The following DIP2A variants were observed in gnomAD, a reference collection of about 807,000 sequenced individuals.
The protein encoded by DIP2A is DIP2 acetate--CoA ligase A.
DIP2A carries 85 observed loss-of-function variants against 177.4 expected under a neutral mutation model. That is an observed-to-expected ratio of 0.48 (90% CI 0.40 to 0.57). DIP2A has a LOEUF of 0.57. DIP2A is among the 20% of genes least tolerant of loss of function. The probability of loss-of-function intolerance (pLI) is 0.00; values close to 1 mark genes in which losing one functional copy is unlikely to be tolerated. For missense variants in DIP2A, 1,791 were observed against 2,100.2 expected, an observed-to-expected ratio of 0.85 and a Z score of 2.88; for synonymous variants, 886 against 881.8, an observed-to-expected ratio of 1.00 and a Z score of -0.08.
At chr21:46,492,596 T>G (rs1308525895) in intron 3 of DIP2A, among the ~76,000 whole-genome samples, 1 of 152,164 alleles carries the variant, frequency 6.6e-6, no homozygotes, top group African/African-American at 2.4e-5. Flanking sequence ...TGGAGTTTGG[T>G]CCTTTGGGAG....
intron 37 of DIP2A, 88 bp downstream of exon 37, chr21:46,566,771 A>G: frequency 6.5e-7 from 1 of 1,539,390 alleles, no homozygotes; most frequent in Non-Finnish European, 8.9e-7. Flanking sequence ...GAGCAGAGCA[A>G]GGACTGCTGG....
At chr21:46,566,716 G>T in intron 37 of DIP2A, 33 bp downstream of exon 37, 7 of 1,613,302 alleles carry the variant, frequency 4.3e-6, no homozygotes, top group Non-Finnish European at 5.9e-6. Context: ...GCTTCACGTG[G>T]TCCCTCCAGC....
rs1266419485 is a variant in DIP2A at position 46,458,905 on chromosome 21, G to C, written c.-227G>C. 9.7e-5 allele frequency: 23 copies of C among 236,888 alleles called. No individual in the cohort carries two copies. The East Asian group carries it at 1.8e-3, about 18-fold the overall frequency. The allele number at this position is 236,888 out of a possible 1,614,324, so 14.7% of individuals were successfully genotyped here. A position where few individuals can be genotyped will look rare whatever the true frequency, so the allele number is the denominator to read the frequency against. On this transcript the variant is annotated 5_prime_UTR_variant, in exon 1 of 38. Coordinates refer to ENST00000417564, the MANE Select transcript of DIP2A (RefSeq NM_015151.4). ...CACGCGCTCCCGTGTAGGGCCGGCC[G>C]GGCGCTCAGGAGCGCGCGGGGCAGC...
intron 5 of DIP2A, among the ~76,000 whole-genome samples, chr21:46,502,168 C>G (rs2057686969): frequency 6.6e-6 from 1 of 152,130 alleles, no homozygotes; most frequent in Non-Finnish European, 1.5e-5. Flanking sequence ...TAAGATCTCA[C>G]TCTGTGGCCC....
At chr21:46,565,167 G>A (rs1176236988) in intron 35 of DIP2A, among the ~76,000 whole-genome samples, 1 of 152,046 alleles carries the variant, frequency 6.6e-6, no homozygotes, top group African/African-American at 2.4e-5. Flanking sequence ...ATGCTTACGT[G>A]TGTAGATATG....
At chr21:46,503,599 CCTTCCTTCCTTCCTTT>C (rs2057785997) in intron 5 of DIP2A, among the ~76,000 whole-genome samples, 1 of 121,176 alleles carries the variant, frequency 8.3e-6, no homozygotes, top group East Asian at 2.3e-4. Flanking sequence ...TTCCTTCCTT[CCTTCCTTCCTTCCTTT>C]CTTTCTTTCT....
rs779311734 is a variant in DIP2A, at chr21:46,545,233, C to A, written c.2273C>A (p.Ala758Glu). Reference protein sequence around the residue: ...ICVSSSATGTAYYGLLGITKN... With the variant: ...ICVSSSATGTEYYGLLGITKN... ...GTCAGTTCCAGTGCAACTGGCACAGCGTACTATGGATTGCTTGGAATCACG... is the reference window on the plus strand; with the variant it reads ...GTCAGTTCCAGTGCAACTGGCACAGAGTACTATGGATTGCTTGGAATCACG... The change falls in exon 19 of 38, where the codon GCG (alanine) becomes GAG (glutamate). Residue 758 changes from alanine to glutamate, a missense_variant. By Grantham distance (107) the Ala-to-Glu change is moderately radical. Coordinates refer to ENST00000417564, the MANE Select transcript of DIP2A (RefSeq NM_015151.4). 1 of 1,606,228 alleles carries A rather than the reference C, an allele frequency of 6.2e-7. No individual in the cohort carries two copies. The highest frequency in any genetic ancestry group is 1.7e-5 in the Admixed American group (1 of 59,684).
chr21:46,464,778 T>C (rs1255556661), intron 1 of DIP2A, among the ~76,000 whole-genome samples: 1 of 151,478 alleles, frequency 6.6e-6, no homozygotes, highest in African/African-American at 2.4e-5. Flanking sequence ...CACTGCTGCA[T>C]TGGGCACTGA....
chr21:46,583,167 G>A, the DIP2A span, among the ~76,000 whole-genome samples: 16,640 of 152,130 alleles, frequency 0.11, 1,330 homozygotes, highest in African/African-American at 0.22. Context: ...TATAACTATA[G>A]AAGGGTCAAT....
In DIP2A at chr21:46,504,513, C is replaced by T. The variant is rs753174151; in HGVS notation, c.784+24C>T. On this transcript the variant is annotated intron_variant, in intron 6 of 37. Coordinates refer to ENST00000417564, the MANE Select transcript of DIP2A (RefSeq NM_015151.4). ...TGGTGAGCCTGCCTCTCTTTCTCCT[C>T]GTGAAATAGCAGAACACAGGTTTTG... is the stretch of plus-strand genomic sequence containing the variant. 23 of 1,583,132 alleles carry T rather than the reference C, an allele frequency of 1.5e-5. No homozygotes were observed. The African/African-American group carries it at 2.0e-4, about 14-fold the overall frequency.
chr21:46,560,834 T>C, intron 33 of DIP2A, 51 bp downstream of exon 33: 1 of 1,569,446 alleles, frequency 6.4e-7, no homozygotes, highest in South Asian at 1.2e-5. Context: ...GGCAAAGTGA[T>C]GCAAACCAGG....
At chr21:46,528,136 A>C (rs997548474) in intron 8 of DIP2A, among the ~76,000 whole-genome samples, 1 of 152,064 alleles carries the variant, frequency 6.6e-6, no homozygotes, top group African/African-American at 2.4e-5. Flanking sequence ...TGATACCCGG[A>C]TCACCTTTGG....
chr21:46,468,389 A>G (rs1601334239), intron 1 of DIP2A, among the ~76,000 whole-genome samples: 1 of 150,118 alleles, frequency 6.7e-6, no homozygotes, highest in Admixed American at 6.7e-5. Context: ...AAATTGCACC[A>G]CTGCACTCCA....
At chr21:46,468,425 A>G (rs569006505) in intron 1 of DIP2A, among the ~76,000 whole-genome samples, 249 of 151,652 alleles carry the variant, frequency 1.6e-3, no homozygotes, top group East Asian at 7.2e-3. Context: ...AAAAAAAAAA[A>G]AAAGAGAGAA....
At chr21:46,503,614 T>TCC (rs1218697130) in intron 5 of DIP2A, among the ~76,000 whole-genome samples, 31,870 of 79,326 alleles carry the variant, frequency 0.4, 5,619 homozygotes, top group East Asian at 0.54. Flanking sequence ...CTTCCTTCCT[T>TCC]TCTTTCTTTC....
chr21:46,567,625 G>GACATAGATGGGGTCCAGCTGGT lies in DIP2A; in HGVS notation c.*3_*4insACATAGATGGGGTCCAGCTGGT, dbSNP rs2060874885. On this transcript the variant is annotated 3_prime_UTR_variant, in exon 38 of 38. Coordinates refer to ENST00000417564, the MANE Select transcript of DIP2A (RefSeq NM_015151.4). ...TCTATGTCGCCTACAACATGTGAGC[G>GACATAGATGGGGTCCAGCTGGT]CAGCACACCGGCCCAGGTGCCGGAG... 6.3e-7 allele frequency: 1 copy of GACATAGATGGGGTCCAGCTGGT among 1,577,510 alleles called. No individual in the cohort carries two copies. Among genetic ancestry groups the GACATAGATGGGGTCCAGCTGGT allele is most frequent in the Non-Finnish European group, 8.6e-7 (1 of 1,159,590 alleles).
Position 46,568,850 on chromosome 21 carries a change from G to GTTC in DIP2A, c.*1228_*1229insTTC, listed in dbSNP as rs1211898827. Reference sequence around the variant, plus strand: ...CCGGCAGTACAGTTGAGGGGAGCAGGGAACAGCATTGCCCCGTATTGAAGG... The same window carrying GTTC: ...CCGGCAGTACAGTTGAGGGGAGCAGGTTCGAACAGCATTGCCCCGTATTGAAGG... On this transcript the variant is annotated 3_prime_UTR_variant, in exon 38 of 38. Coordinates refer to ENST00000417564, the MANE Select transcript of DIP2A (RefSeq NM_015151.4). 1 of 152,146 alleles carries GTTC rather than the reference G, an allele frequency of 6.6e-6. No homozygotes were observed. The highest frequency in any genetic ancestry group is 2.4e-5 in the African/African-American group (1 of 41,412). 9.4% of individuals were successfully genotyped at this position (152,146 alleles called of 1,614,324 possible). A position where few individuals can be genotyped will look rare whatever the true frequency, so the allele number is the denominator to read the frequency against.
Position 46,566,702 on chromosome 21 carries a change from G to A in DIP2A, c.4463+19G>A. 1 of 1,613,958 alleles carries A rather than the reference G, an allele frequency of 6.2e-7. No individual in the cohort carries two copies. Among genetic ancestry groups the A allele is most frequent in the Non-Finnish European group, 8.5e-7 (1 of 1,179,876 alleles). ...CTGAGTGGTAAGAGCCCAGGTGGAG[G>A]GCGGCTTCACGTGGTCCCTCCAGCC... On this transcript the variant is annotated intron_variant, in intron 37 of 37. Transcript: ENST00000417564.
intron 35 of DIP2A, among the ~76,000 whole-genome samples, chr21:46,564,516 T>TA (rs2060772818): frequency 6.6e-6 from 1 of 152,006 alleles, no homozygotes; most frequent in African/African-American, 2.4e-5. Context: ...ACTCATTATT[T>TA]ACAGGCAGTG....
Sources: allele counts gnomAD v4.1 joint callset (sites outside exome capture counted in the v4.1 genomes callset), GRCh38; gene constraint gnomAD v4.1.1; transcripts MANE v1.5; gene names NCBI Gene and HGNC (gene_info 2026-07-23, HGNC 2026-07-21).